Variants in RBM46 observed in about 807,000 individuals in gnomAD.
RBM46 encodes RNA binding motif protein 46.
A neutral mutation model predicts 43.3 loss-of-function variants in RBM46; 12 were observed. That is an observed-to-expected ratio of 0.28 (90% CI 0.18 to 0.45). RBM46 has a LOEUF of 0.45. RBM46 is among the 20% of genes least tolerant of loss of function. The pLI, the probability that RBM46 is intolerant of heterozygous loss-of-function variation, is 1.00. For synonymous variants in RBM46, 205 were observed against 207.6 expected (o/e 0.99, Z 0.11); for missense variants, 412 against 639.1 (o/e 0.64, Z 3.83).
intron 1 of RBM46, among the ~76,000 whole-genome samples, chr4:154,792,562 C>T (rs1003660063): frequency 6.6e-6 from 1 of 152,098 alleles, no homozygotes. Context: ...TTTTCAATGT[C>T]TGGTAGTGGG....
intron 4 of RBM46, among the ~76,000 whole-genome samples, chr4:154,822,437 A>G (rs1260164833): frequency 6.6e-6 from 1 of 151,678 alleles, no homozygotes; most frequent in Non-Finnish European, 1.5e-5. Flanking sequence ...ACTAGAATAG[A>G]AAGTACAAAA....
intron 4 of RBM46, among the ~76,000 whole-genome samples, chr4:154,821,903 T>C (rs1435420848): frequency 6.6e-6 from 1 of 151,742 alleles, no homozygotes; most frequent in African/African-American, 2.4e-5. Flanking sequence ...GCATCCTAGG[T>C]AATTGAGGTA....
rs974929399 is a variant in RBM46 at position 154,820,532 on chromosome 4, A to G, written c.1403-7336A>G. On this transcript the variant is annotated intron_variant, in intron 4 of 4. Transcript: ENST00000281722. ...TAATGAAAAGAATGAAACTTTATGA[A>G]GTATTTTTTATAATAGCCTTGTTAA... 2.6e-5 allele frequency: 15 copies of G among 568,762 alleles called. No individual in the cohort carries two copies. In the East Asian group the frequency reaches 4.8e-4, roughly 18 times the overall value. The allele number at this position is 568,762 out of a possible 1,614,324, so 35.2% of individuals were successfully genotyped here.
intron 4 of RBM46, among the ~76,000 whole-genome samples, chr4:154,823,478 A>G (rs538378442): frequency 6.6e-6 from 1 of 152,020 alleles, no homozygotes; most frequent in Admixed American, 6.6e-5. Flanking sequence ...AATTAGTCTA[A>G]AGAGTATCTA....
chr4:154,818,382 C>T (rs1292829746), intron 4 of RBM46, among the ~76,000 whole-genome samples: 1 of 152,142 alleles, frequency 6.6e-6, no homozygotes, highest in Non-Finnish European at 1.5e-5. Flanking sequence ...TACTTCAGCC[C>T]TTTGCAGTAG....
chr4:154,816,055 T>C (rs535986305), intron 4 of RBM46, among the ~76,000 whole-genome samples: 2 of 152,142 alleles, frequency 1.3e-5, no homozygotes, highest in South Asian at 2.1e-4. Context: ...CCTTCTAATA[T>C]ACACACACAT....
At chr4:154,811,925 C>T (rs532959693) in intron 4 of RBM46, among the ~76,000 whole-genome samples, 70 of 152,122 alleles carry the variant, frequency 4.6e-4, no homozygotes, top group Middle Eastern at 3.4e-3. Context: ...AAGTGATCTG[C>T]CTGCCTCTTC....
Position 154,824,777 on chromosome 4 carries a change from A to G in RBM46, c.1403-3091A>G, listed in dbSNP as rs529817309. ...TGTGCTTAAAATTATGTTGAGAGAA[A>G]GAAGATAGACATAAAAATACTTAAT... On this transcript the variant is annotated intron_variant, in intron 4 of 4. Transcript: ENST00000281722. 2.0e-5 allele frequency among the ~76,000 whole-genome samples: 3 copies of G among 152,186 alleles called. No homozygotes were observed. In the South Asian group the frequency reaches 6.2e-4, roughly 32 times the overall value.
chr4:154,797,048 A>AC (rs1734389296), intron 2 of RBM46, 145 bp downstream of exon 2: 1 of 583,812 alleles, frequency 1.7e-6, no homozygotes, highest in Admixed American at 3.5e-5. Flanking sequence ...AGGAGAGTTA[A>AC]ATTATAAATG....
chr4:154,798,296 T>A lies in RBM46; in HGVS notation c.619+18T>A. On this transcript the variant is annotated intron_variant, in intron 3 of 4. Coordinates refer to ENST00000281722, the MANE Select transcript of RBM46 (RefSeq NM_144979.5). ...AATTCCAGGTAAACTGAAAGGTTGTTTTTCAATATTAACATTATTACAAAT... is the reference window on the plus strand; with the variant it reads ...AATTCCAGGTAAACTGAAAGGTTGTATTTCAATATTAACATTATTACAAAT... 14 of 1,467,604 alleles carry A rather than the reference T, an allele frequency of 9.5e-6. No individual in the cohort carries two copies. Among genetic ancestry groups the A allele is most frequent in the Non-Finnish European group, 1.2e-5 (13 of 1,081,332 alleles). The allele number at this position is 1,467,604 out of a possible 1,614,324, so 90.9% of individuals were successfully genotyped here. A position where few individuals can be genotyped will look rare whatever the true frequency, so the allele number is the denominator to read the frequency against.
At chr4:154,814,813 A>G (rs1038141914) in intron 4 of RBM46, among the ~76,000 whole-genome samples, 5 of 151,760 alleles carry the variant, frequency 3.3e-5, no homozygotes, top group East Asian at 1.9e-4. Flanking sequence ...CTTTATATAT[A>G]TCACTGGCAG....
intron 4 of RBM46, among the ~76,000 whole-genome samples, chr4:154,811,651 A>ATG (rs751963103): frequency 0.013 from 1,771 of 132,552 alleles, 21 homozygotes; most frequent in East Asian, 0.054. Flanking sequence ...TAGATAGGAT[A>ATG]TGTGTGTGTG....
intron 1 of RBM46, among the ~76,000 whole-genome samples, chr4:154,786,599 G>T (rs1009841009): frequency 6.6e-6 from 1 of 150,696 alleles, no homozygotes; most frequent in African/African-American, 2.4e-5. Flanking sequence ...TTTAATAAAT[G>T]TGTGAGGATA....
chr4:154,827,691 A>G lies in RBM46; in HGVS notation c.1403-177A>G. On this transcript the variant is annotated intron_variant, in intron 4 of 4. Coordinates refer to ENST00000281722, the MANE Select transcript of RBM46 (RefSeq NM_144979.5). The stretch of plus-strand genomic sequence containing the variant: ...GAAAGGTAATACTGACAAAACTCTC[A>G]GGATTTGCAGTGCAGTGAATGCTGA... 5 of 1,419,058 alleles carry G rather than the reference A, an allele frequency of 3.5e-6. No individual in the cohort carries two copies. In the South Asian group the frequency reaches 6.4e-5, roughly 18 times the overall value. 87.9% of individuals were successfully genotyped at this position (1,419,058 alleles called of 1,614,324 possible). A position where few individuals can be genotyped will look rare whatever the true frequency, so the allele number is the denominator to read the frequency against.
rs184551883 is a variant in RBM46 at position 154,828,152 on chromosome 4, C to A, written c.*85C>A. ...TTAAAATATTGTTTTATTTTAGAATCGGGTTTGCATATTTGGTTTTAAAAA... is the reference window on the plus strand; with the variant it reads ...TTAAAATATTGTTTTATTTTAGAATAGGGTTTGCATATTTGGTTTTAAAAA... On this transcript the variant is annotated 3_prime_UTR_variant, in exon 5 of 5. Coordinates refer to ENST00000281722, the MANE Select transcript of RBM46 (RefSeq NM_144979.5). 3 of 1,068,868 alleles carry A rather than the reference C, an allele frequency of 2.8e-6. No individual in the cohort carries two copies. The highest frequency in any genetic ancestry group is 4.3e-6 in the Non-Finnish European group (3 of 700,222). 66.2% of individuals were successfully genotyped at this position (1,068,868 alleles called of 1,614,324 possible). A position where few individuals can be genotyped will look rare whatever the true frequency, so the allele number is the denominator to read the frequency against.
intron 4 of RBM46, among the ~76,000 whole-genome samples, chr4:154,826,539 T>C (rs1444421872): frequency 6.6e-6 from 1 of 152,106 alleles, no homozygotes. Context: ...GAAAAGTAAA[T>C]GGTATCAAAG....
intron 1 of RBM46, among the ~76,000 whole-genome samples, chr4:154,794,889 C>CT (rs35540820): frequency 1.2e-3 from 174 of 146,950 alleles, no homozygotes; most frequent in Middle Eastern, 3.5e-3. Context: ...TTATTATTTG[C>CT]TTTTTTTTTT....
At position 154,802,317 on chromosome 4, in the gene RBM46, A is replaced by G. The variant is rs968698718; in HGVS notation, c.1402+2753A>G. On this transcript the variant is annotated intron_variant, in intron 4 of 4. Transcript: ENST00000281722. ...CTAGGAAACTTTGATCAGAAAACAA[A>G]TGTCAGCCCTTCAGAGGTCATTAAA... Among the ~76,000 whole-genome samples, 4 of 152,210 alleles carry G rather than the reference A, an allele frequency of 2.6e-5. No individual in the cohort carries two copies. The South Asian group carries it at 8.3e-4, about 31-fold the overall frequency.
At chr4:154,821,628 GT>G (rs1323839175) in intron 4 of RBM46, among the ~76,000 whole-genome samples, 1 of 151,622 alleles carries the variant, frequency 6.6e-6, no homozygotes, top group Non-Finnish European at 1.5e-5. Context: ...ATAAGTATCT[GT>G]TTTTTTATTC....
Sources: allele counts gnomAD v4.1 joint callset (sites outside exome capture counted in the v4.1 genomes callset), GRCh38; gene constraint gnomAD v4.1.1; transcripts MANE v1.5; gene names NCBI Gene and HGNC (gene_info 2026-07-23, HGNC 2026-07-21).